UBR3: variants seen among roughly 807,000 people sequenced by gnomAD.
UBR3 encodes the protein ubiquitin protein ligase E3 component n-recognin 3, also known as E3 ubiquitin-protein ligase UBR3.
In UBR3, 85 loss-of-function variants were observed where a neutral mutation model predicts 243.2. The ratio of observed to expected loss-of-function variants is 0.35; its 90% CI spans 0.29 to 0.42. The LOEUF is 0.42. Ranked by LOEUF, UBR3 falls within the 10% of genes least tolerant of loss-of-function variation. The pLI, the probability that UBR3 is intolerant of heterozygous loss-of-function variation, is 1.00. For synonymous variants in UBR3, 748 were observed against 799.8 expected (o/e 0.94, Z 1.09); for missense variants, 1,686 against 2,300.8 (o/e 0.73, Z 5.47).
At chr2:170,021,028 A>C (rs897209204) in intron 30 of UBR3, among the ~76,000 whole-genome samples, 7 of 152,038 alleles carry the variant, frequency 4.6e-5, no homozygotes, top group Non-Finnish European at 1.0e-4. Flanking sequence ...ATAGGTGAGG[A>C]GTTTGGTAAG....
chr2:169,962,527 A>T (rs2087626083), intron 24 of UBR3, among the ~76,000 whole-genome samples: 1 of 152,186 alleles, frequency 6.6e-6, no homozygotes, highest in Non-Finnish European at 1.5e-5. Flanking sequence ...GTATTTTGTT[A>T]TACAGCAATA....
intron 19 of UBR3, among the ~76,000 whole-genome samples, chr2:169,941,753 G>A (rs945531195): frequency 1.3e-5 from 2 of 152,144 alleles, no homozygotes; most frequent in African/African-American, 2.4e-5. Context: ...ATCTACTGGG[G>A]GCTTTGGAAC....
At chr2:169,959,319 A>G (rs906002672) in intron 24 of UBR3, among the ~76,000 whole-genome samples, 3 of 152,074 alleles carry the variant, frequency 2.0e-5, no homozygotes, top group South Asian at 4.1e-4. Flanking sequence ...TGTTCAGGAT[A>G]TAACTTTGAC....
chr2:169,975,550 G>T (rs2088391187), intron 24 of UBR3, among the ~76,000 whole-genome samples: 1 of 152,204 alleles, frequency 6.6e-6, no homozygotes, highest in African/African-American at 2.4e-5. Context: ...AGAGTGGGCT[G>T]TTGCCAACGA....
In UBR3 at chr2:169,947,576, G is replaced by A; in HGVS notation, c.2945G>A (p.Ser982Asn). The change falls in exon 22 of 39, where the codon AGT becomes AAT. Residue 982 changes from serine (S) to asparagine (N), a missense_variant. This residue lies in a region of UBR3 where 300 missense variants were observed against 314.4 expected (regional missense o/e 0.95). Transcript: ENST00000272793. ...GGTGGACCAGAACGTTGTCATGACA[G>A]TTGGTTTCCTGGCAGTAACTTAGTG... ...SVGGPERCHD[S>N]WFPGSNLVSN... 2 of 1,521,796 alleles carry A rather than the reference G, an allele frequency of 1.3e-6. No individual in the cohort carries two copies. Among genetic ancestry groups the A allele is most frequent in the South Asian group, 1.3e-5 (1 of 77,904 alleles). The allele number at this position is 1,521,796 out of a possible 1,614,324, so 94.3% of individuals were successfully genotyped here. A position where few individuals can be genotyped will look rare whatever the true frequency, so the allele number is the denominator to read the frequency against.
chr2:169,958,621 A>G lies in UBR3; in HGVS notation c.3634+95A>G. On this transcript the variant is annotated intron_variant, in intron 24 of 38. Coordinates refer to ENST00000272793, the MANE Select transcript of UBR3 (RefSeq NM_172070.4). ...CTTTTACTAATTTAAAACATTACAC[A>G]CTTTTGATTTCTAGTGTTTATTTGG... 5 of 1,088,610 alleles carry G rather than the reference A, an allele frequency of 4.6e-6. No homozygotes were observed. In the South Asian group the frequency reaches 6.3e-5, roughly 14 times the overall value. The allele number at this position is 1,088,610 out of a possible 1,614,324, so 67.4% of individuals were successfully genotyped here. A position where few individuals can be genotyped will look rare whatever the true frequency, so the allele number is the denominator to read the frequency against.
Position 169,958,425 on chromosome 2 carries a change from C to A in UBR3, c.3546-13C>A. On this transcript the variant is annotated splice_polypyrimidine_tract_variant and intron_variant, in intron 23 of 38. Transcript: ENST00000272793. ...GCATCTGATACTTAAAACTTTATTT[C>A]TGTTTAATCTAGGCGACAGAAGGCT... 1 of 1,610,836 alleles carries A rather than the reference C, an allele frequency of 6.2e-7. No homozygotes were observed. The highest frequency in any genetic ancestry group is 1.3e-5 in the African/African-American group (1 of 74,836).
intron 18 of UBR3, 45 bp downstream of exon 18, chr2:169,928,913 G>C: frequency 7.6e-7 from 1 of 1,310,062 alleles, no homozygotes; most frequent in Non-Finnish European, 9.9e-7. Context: ...ATCAGTTCTT[G>C]AATGGTGAAT....
chr2:169,981,488 T>C (rs1362361769), intron 24 of UBR3, among the ~76,000 whole-genome samples: 1 of 152,178 alleles, frequency 6.6e-6, no homozygotes, highest in Non-Finnish European at 1.5e-5. Context: ...ACCTGGATAC[T>C]ACTCCTCAAA....
At chr2:169,878,375 A>AG (rs201543460) in intron 4 of UBR3, 150 bp from the exon 5 acceptor site, 25,335 of 720,064 alleles carry the variant, frequency 0.035, 281 homozygotes, top group Non-Finnish European at 0.04. Flanking sequence ...AAAAAAAAAA[A>AG]AAGTTGGACT....
At chr2:169,838,919 A>G (rs767030181) in intron 1 of UBR3, among the ~76,000 whole-genome samples, 3 of 152,230 alleles carry the variant, frequency 2.0e-5, no homozygotes, top group Non-Finnish European at 4.4e-5. Context: ...GTTGGTGGGA[A>G]TGTAAATTAT....
chr2:169,890,539 A>ATAT (rs1383925309), intron 5 of UBR3, among the ~76,000 whole-genome samples: 2 of 52,408 alleles, frequency 3.8e-5, no homozygotes, highest in African/African-American at 2.1e-4. Context: ...AGAGAGAGAG[A>ATAT]GATATATATA....
At chr2:170,043,140 C>T (rs2091008463) in intron 32 of UBR3, among the ~76,000 whole-genome samples, 2 of 152,022 alleles carry the variant, frequency 1.3e-5, no homozygotes, top group South Asian at 4.2e-4. Context: ...ATACCTTTTA[C>T]TTATGAGTTA....
chr2:169,888,392 G>A (rs2084196625), intron 5 of UBR3, among the ~76,000 whole-genome samples: 1 of 152,070 alleles, frequency 6.6e-6, no homozygotes, highest in Non-Finnish European at 1.5e-5. Context: ...ACCCACCTCA[G>A]CCTCCCAAAG....
intron 23 of UBR3, among the ~76,000 whole-genome samples, chr2:169,957,753 T>G (rs1384583549): frequency 6.6e-6 from 1 of 152,110 alleles, no homozygotes; most frequent in African/African-American, 2.4e-5. Flanking sequence ...AAAAAAAATA[T>G]TCTTTGGAAG....
chr2:170,037,763 GT>G (rs2090869079), intron 31 of UBR3, among the ~76,000 whole-genome samples: 1 of 152,076 alleles, frequency 6.6e-6, no homozygotes, highest in Non-Finnish European at 1.5e-5. Flanking sequence ...ATAATATGCA[GT>G]TTCCTCAACT....
At chr2:169,976,854 C>G (rs1183208890) in intron 24 of UBR3, among the ~76,000 whole-genome samples, 3 of 152,068 alleles carry the variant, frequency 2.0e-5, no homozygotes, top group African/African-American at 7.2e-5. Flanking sequence ...CCATTTTTAT[C>G]TCTTCTTAAT....
chr2:169,978,665 C>T (rs1163012967), intron 24 of UBR3, among the ~76,000 whole-genome samples: 1 of 151,814 alleles, frequency 6.6e-6, no homozygotes, highest in African/African-American at 2.4e-5. Flanking sequence ...ATCCCAGGTG[C>T]AGTGTCAGCA....
chr2:169,974,497 G>A (rs965462412), intron 24 of UBR3, among the ~76,000 whole-genome samples: 2 of 151,970 alleles, frequency 1.3e-5, no homozygotes, highest in African/African-American at 4.8e-5. Flanking sequence ...TATTTCCGTG[G>A]CATCGTTTGT....
Sources: gnomAD v4.1 joint callset for allele counts (sites outside exome capture counted in the v4.1 genomes callset) on GRCh38, gnomAD v4.1.1 for gene constraint, gnomAD v4.1.1 regional missense constraint, MANE v1.5 for transcripts, NCBI Gene and HGNC (gene_info 2026-07-23, HGNC 2026-07-21) for gene names.